Variants in ZNF429 observed in about 807,000 individuals in gnomAD.
ZNF429 encodes zinc finger protein 429.
A neutral mutation model predicts 56.8 loss-of-function variants in ZNF429; 53 were observed. The observed-to-expected ratio is 0.93, with a 90% CI of 0.75 to 1.17. The LOEUF (loss-of-function observed/expected upper bound fraction) is 1.17, where lower values mean the gene tolerates loss of function less well. ZNF429 is among the 50% of genes most tolerant of loss of function. ZNF429 has a pLI of 0.00. For synonymous variants in ZNF429, 278 were observed against 264.7 expected (o/e 1.05, Z -0.49); for missense variants, 849 against 788.4 (o/e 1.08, Z -0.92).
intron 3 of ZNF429, among the ~76,000 whole-genome samples, chr19:21,531,136 A>AAAAAC: frequency 4.6e-5 from 6 of 130,134 alleles, no homozygotes; most frequent in Non-Finnish European, 9.6e-5. Flanking sequence ...AAAACCAAAA[A>AAAAAC]AAAAAAAACA....
chr19:21,519,991 G>C (rs555887186), intron 1 of ZNF429, among the ~76,000 whole-genome samples: 3 of 152,056 alleles, frequency 2.0e-5, no homozygotes, highest in African/African-American at 7.2e-5. Context: ...GAGTAACTGG[G>C]ATTACAGGCA....
chr19:21,530,338 T>G, intron 2 of ZNF429, among the ~76,000 whole-genome samples: 1 of 152,184 alleles, frequency 6.6e-6, no homozygotes, highest in South Asian at 2.1e-4. Context: ...TTTGGTGGCC[T>G]AAAATATTGT....
intron 1 of ZNF429, among the ~76,000 whole-genome samples, chr19:21,522,426 A>G (rs2033015696): frequency 3.3e-5 from 5 of 152,254 alleles, no homozygotes; most frequent in Admixed American, 2.6e-4. Flanking sequence ...TTACTTGCAT[A>G]TAAAAACTCT....
At position 21,530,595 on chromosome 19, in the gene ZNF429, C is replaced by G. The variant is rs764047824; in HGVS notation, c.137C>G (p.Ala46Gly). ...TTTATTTTTAATAAAACAGGTATTG[C>G]TGTTTCTAAGCCAGACCTAATCACT... Reference protein sequence around the residue: ...NYRNLVFLGIAVSKPDLITCL... With the variant: ...NYRNLVFLGIGVSKPDLITCL... The change falls in exon 3 of 4, where the codon GCT becomes GGT. Residue 46 changes from alanine (A) to glycine (G), a missense_variant. By Grantham distance (60) the Ala-to-Gly change is moderately conservative. Coordinates refer to ENST00000358491, the MANE Select transcript of ZNF429 (RefSeq NM_001001415.4). The G allele has an allele frequency of 3.1e-6, 5 of 1,595,656 alleles. No individual in the cohort carries two copies. The highest frequency in any genetic ancestry group is 4.3e-6 in the Non-Finnish European group (5 of 1,172,686).
At chr19:21,533,915 TTTCTC>T in intron 3 of ZNF429, among the ~76,000 whole-genome samples, 1 of 152,146 alleles carries the variant, frequency 6.6e-6, no homozygotes, top group Non-Finnish European at 1.5e-5. Context: ...GAGATTTTCT[TTTCTC>T]TGTTGTGTGC....
intron 1 of ZNF429, among the ~76,000 whole-genome samples, chr19:21,514,268 G>A (rs1406381765): frequency 2.0e-5 from 3 of 152,138 alleles, no homozygotes; most frequent in Admixed American, 1.3e-4. Context: ...GAAGTTTAGT[G>A]TAGATTATTT....
intron 1 of ZNF429, among the ~76,000 whole-genome samples, chr19:21,508,731 CAG>C (rs2032309491): frequency 6.8e-6 from 1 of 146,496 alleles, no homozygotes; most frequent in African/African-American, 2.5e-5. Context: ...TGATTTCAAA[CAG>C]AATTCCAAGG....
chr19:21,530,711 A>G, intron 3 of ZNF429, 27 bp downstream of exon 3: 1 of 1,551,900 alleles, frequency 6.4e-7, no homozygotes, highest in Non-Finnish European at 8.8e-7. Context: ...ACAACAGACA[A>G]CACAGATGAG....
In ZNF429 at chr19:21,539,266, A is replaced by G. The variant is rs1180424337; in HGVS notation, c.*1188A>G. Reference sequence around the variant, plus strand: ...TTTAATACATAGAAAAGTCTACATGAATATCAGAATTTACAGTAGAAACAA... The same window carrying G: ...TTTAATACATAGAAAAGTCTACATGGATATCAGAATTTACAGTAGAAACAA... On this transcript the variant is annotated 3_prime_UTR_variant, in exon 4 of 4. Transcript: ENST00000358491. 6.6e-6 allele frequency among the ~76,000 whole-genome samples: 1 copy of G among 152,148 alleles called. No individual in the cohort carries two copies. Among genetic ancestry groups the G allele is most frequent in the Non-Finnish European group, 1.5e-5 (1 of 68,022 alleles).
At chr19:21,526,278 A>C (rs939821157) in intron 1 of ZNF429, among the ~76,000 whole-genome samples, 1 of 151,808 alleles carries the variant, frequency 6.6e-6, no homozygotes. Context: ...TGCACCCATC[A>C]CCCAAGCAGT....
At chr19:21,509,089 A>G (rs890551662) in intron 1 of ZNF429, among the ~76,000 whole-genome samples, 1 of 151,786 alleles carries the variant, frequency 6.6e-6, no homozygotes, top group Non-Finnish European at 1.5e-5. Flanking sequence ...GCTCACTGCA[A>G]CTTCTGCCTC....
chr19:21,535,088 A>G, intron 3 of ZNF429, among the ~76,000 whole-genome samples: 1 of 150,268 alleles, frequency 6.7e-6, no homozygotes, highest in East Asian at 1.9e-4. Context: ...CGGCCTCCCA[A>G]AGTGCTGGGA....
intron 3 of ZNF429, among the ~76,000 whole-genome samples, chr19:21,535,003 T>A: frequency 1.5e-5 from 2 of 131,846 alleles, no homozygotes; most frequent in Admixed American, 7.5e-5. Flanking sequence ...TTTTTTTTTT[T>A]TTTTTAGTAG....
chr19:21,523,989 A>G (rs2033076363), intron 1 of ZNF429, among the ~76,000 whole-genome samples: 1 of 152,088 alleles, frequency 6.6e-6, no homozygotes, highest in South Asian at 2.1e-4. Flanking sequence ...TTCAGAATGT[A>G]AAAAAAACTA....
intron 1 of ZNF429, among the ~76,000 whole-genome samples, chr19:21,517,696 GA>G (rs35422796): frequency 0.19 from 29,283 of 151,160 alleles, 2,772 homozygotes; most frequent in African/African-American, 0.22. Flanking sequence ...ATTTCTTTTA[GA>G]TTTTTTTTTT....
chr19:21,535,379 T>C lies in ZNF429; in HGVS notation c.227-901T>C. On this transcript the variant is annotated intron_variant, in intron 3 of 3. Coordinates refer to ENST00000358491, the MANE Select transcript of ZNF429 (RefSeq NM_001001415.4). Reference sequence around the variant, plus strand: ...TTTTCTTCTTTCTTTCTTTCTTTCTTTTTTACTTTCTTTCTTTCTTTCTTT... The same window carrying C: ...TTTTCTTCTTTCTTTCTTTCTTTCTCTTTTACTTTCTTTCTTTCTTTCTTT... 6.7e-4 allele frequency among the ~76,000 whole-genome samples: 39 copies of C among 58,478 alleles called. 1 individual carries two copies. Among genetic ancestry groups the C allele is most frequent in the African/African-American group, 1.5e-3 (17 of 11,412 alleles). 38.4% of individuals were successfully genotyped at this position (58,478 alleles called of 152,430 possible).
chr19:21,518,394 G>A (rs2032852495), intron 1 of ZNF429, among the ~76,000 whole-genome samples: 1 of 48,450 alleles, frequency 2.1e-5, no homozygotes, highest in African/African-American at 2.4e-4. Flanking sequence ...GTGTTGGAGA[G>A]ATTCTGGTGG....
At chr19:21,525,019 C>G (rs2033113391) in intron 1 of ZNF429, among the ~76,000 whole-genome samples, 1 of 151,704 alleles carries the variant, frequency 6.6e-6, no homozygotes, top group Non-Finnish European at 1.5e-5. Context: ...TCCCTACCAT[C>G]CAAAAACTCT....
chr19:21,506,099 G>A (rs1363834960), intron 1 of ZNF429: 1 of 181,552 alleles, frequency 5.5e-6, no homozygotes, highest in East Asian at 1.5e-4. Flanking sequence ...AGTGACTCGG[G>A]ATGCGGGTTC....
Sources: allele counts gnomAD v4.1 joint callset (sites outside exome capture counted in the v4.1 genomes callset), GRCh38; gene constraint gnomAD v4.1.1; transcripts MANE v1.5; gene names NCBI Gene and HGNC (gene_info 2026-07-23, HGNC 2026-07-21).